The following SLC12A2 variants were observed in gnomAD, a reference collection of about 807,000 sequenced individuals.
SLC12A2 encodes solute carrier family 12 member 2, also known as Na-K-2Cl cotransporter 1.
SLC12A2 carries 67 observed loss-of-function variants against 136.3 expected under a neutral mutation model. That is an observed-to-expected ratio of 0.49 (90% CI 0.40 to 0.60). The LOEUF (loss-of-function observed/expected upper bound fraction) is 0.60. SLC12A2 is among the 20% of genes least tolerant of loss of function. The pLI is 0.00. For synonymous variants in SLC12A2, 619 were observed against 562.9 expected (o/e 1.10, Z -1.41); for missense variants, 1,322 against 1,534.7 (o/e 0.86, Z 2.32).
rs1761488411 is a variant in SLC12A2, at chr5:128,119,845, A to T, written c.1048+5164A>T. 5.3e-5 allele frequency among the ~76,000 whole-genome samples: 8 copies of T among 152,358 alleles called. No individual in the cohort carries two copies. The South Asian group carries it at 1.7e-3, about 32-fold the overall frequency. On this transcript the variant is annotated intron_variant, in intron 4 of 26. Transcript: ENST00000262461. ...ACCAAAAGCAATGACAACAAAAGCC[A>T]AAATTGACAAATGGGATCTAATTAA...
chr5:128,138,923 A>G lies in SLC12A2; in HGVS notation c.1621+15A>G. The stretch of plus-strand genomic sequence containing the variant: ...AGTATCTGTAGGTAAATAGTTTCAC[A>G]TTTCTTTATGTGTCGCAGAAATTTC... On this transcript the variant is annotated intron_variant, in intron 9 of 26. Coordinates refer to ENST00000262461, the MANE Select transcript of SLC12A2 (RefSeq NM_001046.3). 1 of 1,554,182 alleles carries G rather than the reference A, an allele frequency of 6.4e-7. No individual in the cohort carries two copies. The highest frequency in any genetic ancestry group is 8.9e-7 in the Non-Finnish European group (1 of 1,128,890).
chr5:128,165,595 C>G (rs901954720), intron 17 of SLC12A2, among the ~76,000 whole-genome samples: 1 of 152,114 alleles, frequency 6.6e-6, no homozygotes, highest in South Asian at 2.1e-4. Flanking sequence ...GTTATTTGGA[C>G]ACTGAAAACA....
intron 9 of SLC12A2, among the ~76,000 whole-genome samples, chr5:128,140,126 G>A (rs1189115115): frequency 2.0e-5 from 3 of 151,996 alleles, no homozygotes; most frequent in Non-Finnish European, 2.9e-5. Flanking sequence ...ACCCTCCTGA[G>A]TAGCTGGGAT....
At chr5:128,114,057 AC>A (rs1761254598) in intron 2 of SLC12A2, among the ~76,000 whole-genome samples, 154 bp from the exon 3 acceptor site, 1 of 152,186 alleles carries the variant, frequency 6.6e-6, no homozygotes, top group Non-Finnish European at 1.5e-5. Context: ...CTTTATAAAA[AC>A]TGTTAAAGAA....
At chr5:128,160,866 T>TGA (rs541230123) in intron 16 of SLC12A2, among the ~76,000 whole-genome samples, 19 of 150,724 alleles carry the variant, frequency 1.3e-4, no homozygotes, top group African/African-American at 4.6e-4. Flanking sequence ...TGTGTGTGTG[T>TGA]GAGAGTGCGT....
intron 20 of SLC12A2, 146 bp downstream of exon 20, chr5:128,174,812 C>T: frequency 1.7e-6 from 1 of 595,044 alleles, no homozygotes; most frequent in Non-Finnish European, 2.7e-6. Context: ...AAATTTATGG[C>T]TTTCAAAAAT....
chr5:128,181,697 C>A (rs1763712166), intron 23 of SLC12A2, among the ~76,000 whole-genome samples: 1 of 152,120 alleles, frequency 6.6e-6, no homozygotes, highest in African/African-American at 2.4e-5. Context: ...ATGTAGCAGT[C>A]AAGGCCCTTG....
intron 10 of SLC12A2, among the ~76,000 whole-genome samples, chr5:128,142,602 A>C (rs943994864): frequency 6.6e-6 from 1 of 152,066 alleles, no homozygotes; most frequent in Non-Finnish European, 1.5e-5. Flanking sequence ...GAAAGCATGG[A>C]ATCATCTTGC....
In SLC12A2 at chr5:128,148,840, C is replaced by T; in HGVS notation, c.1968C>T (p.Ile656=). The change falls in exon 12 of 27, where the codon ATC becomes ATT. Residue 656 remains isoleucine, a synonymous_variant. Coordinates refer to ENST00000262461, the MANE Select transcript of SLC12A2 (RefSeq NM_001046.3). ...ATAATGAACCTCTTCGTGGCTACAT[C>T]TTAACATTCTTAATTGCACTTGGAT... ...GKNNEPLRGY[I]LTFLIALGFI... is the part of the protein sequence containing the mutation. The T allele has an allele frequency of 1.2e-6, 2 of 1,604,014 alleles. No homozygotes were observed. Among genetic ancestry groups the T allele is most frequent in the Non-Finnish European group, 1.7e-6 (2 of 1,175,876 alleles).
chr5:128,177,010 A>G (rs973219800), intron 20 of SLC12A2, 95 bp from the exon 21 acceptor site: 4 of 692,350 alleles, frequency 5.8e-6, no homozygotes, highest in African/African-American at 5.7e-5. Context: ...GCTTCATATT[A>G]TATTTTGTTT....
chr5:128,119,557 C>T (rs974402169), intron 4 of SLC12A2, among the ~76,000 whole-genome samples: 6 of 152,106 alleles, frequency 3.9e-5, no homozygotes, highest in Non-Finnish European at 8.8e-5. Context: ...TTTCTGAGGG[C>T]TCTGTTCTGT....
Position 128,084,488 on chromosome 5 carries a change from G to A in SLC12A2, c.534G>A (p.Val178=). The A allele has an allele frequency of 2.5e-6, 4 of 1,610,862 alleles. No individual in the cohort carries two copies. Among genetic ancestry groups the A allele is most frequent in the Non-Finnish European group, 3.4e-6 (4 of 1,179,290 alleles). ...GCTTCCAGAACGGCGGGGACACGGT[G>A]CTGAGCGAGGGCAGCAGCCTGCACT... ...NVSFQNGGDT[V]LSEGSSLHSG... The change falls in exon 1 of 27, where the codon GTG becomes GTA. Residue 178 remains valine (V), a synonymous_variant. Coordinates refer to ENST00000262461, the MANE Select transcript of SLC12A2 (RefSeq NM_001046.3). This position sits in a 1 kb window ranked among gnomAD's most constrained non-coding sequence, Gnocchi z 5.6.
At chr5:128,144,049 A>G (rs1762451993) in intron 10 of SLC12A2, among the ~76,000 whole-genome samples, 1 of 152,056 alleles carries the variant, frequency 6.6e-6, no homozygotes, top group Middle Eastern at 3.2e-3. Flanking sequence ...AATTGTAGGA[A>G]TGAAAGAAAG....
At chr5:128,128,860 A>G (rs1761913075) in intron 4 of SLC12A2, among the ~76,000 whole-genome samples, 1 of 151,748 alleles carries the variant, frequency 6.6e-6, no homozygotes, top group Non-Finnish European at 1.5e-5. Context: ...GGAATAGGGC[A>G]AATAACTGTT....
intron 15 of SLC12A2, among the ~76,000 whole-genome samples, chr5:128,156,285 A>T (rs1762868996): frequency 6.6e-6 from 1 of 151,876 alleles, no homozygotes; most frequent in Non-Finnish European, 1.5e-5. Context: ...CAAATCCTTT[A>T]CTTTTCTTCC....
chr5:128,150,185 T>A, intron 13 of SLC12A2, 87 bp downstream of exon 13: 1 of 813,770 alleles, frequency 1.2e-6, no homozygotes, highest in Non-Finnish European at 2.1e-6. Context: ...AAAGATGTTA[T>A]GTGTGGGGTT....
chr5:128,163,399 C>T (rs112608364), intron 17 of SLC12A2, among the ~76,000 whole-genome samples: 261 of 152,104 alleles, frequency 1.7e-3, no homozygotes, highest in African/African-American at 4.7e-3. Context: ...TGTGGTGGCA[C>T]GCACCTGTAA....
At chr5:128,109,709 G>A (rs1761075998) in intron 1 of SLC12A2, 3 of 1,167,664 alleles carry the variant, frequency 2.6e-6, no homozygotes, top group South Asian at 1.2e-5. Flanking sequence ...GAAAGTCCCA[G>A]CACCAGAGGA....
At position 128,188,921 on chromosome 5, in the gene SLC12A2, C is replaced by CTTTTTTT. The variant is rs58399179; in HGVS notation, c.*2302_*2308dup. The CTTTTTTT allele has an allele frequency of 7.8e-6, 1 of 128,502 alleles. No individual in the cohort carries two copies. The allele number at this position is 128,502 out of a possible 1,614,324, so 8.0% of individuals were successfully genotyped here. ...TTGAAATGTGCACAGGTACACTTACCTTTTTTTTTTTTTTTTTTAAGTTTT... is the reference window on the plus strand; with the variant it reads ...TTGAAATGTGCACAGGTACACTTACCTTTTTTTTTTTTTTTTTTTTTTTTTAAGTTTT... On this transcript the variant is annotated 3_prime_UTR_variant, in exon 27 of 27. Transcript: ENST00000262461.
Sources: allele counts gnomAD v4.1 joint callset (sites outside exome capture counted in the v4.1 genomes callset), GRCh38; gene constraint gnomAD v4.1.1; non-coding constraint Gnocchi (gnomAD v3.1); transcripts MANE v1.5; gene names NCBI Gene and HGNC (gene_info 2026-07-23, HGNC 2026-07-21).